PARD3: variants seen among roughly 807,000 people sequenced by gnomAD.
PARD3 encodes par-3 family cell polarity regulator, also known as partitioning defective 3 homolog.
Under a neutral mutation model 155.4 loss-of-function variants are expected in PARD3, and 75 were observed. That is an observed-to-expected ratio of 0.48 (90% CI 0.40 to 0.58). PARD3 has a LOEUF of 0.58. Among genes scored for constraint, PARD3 ranks in the 20% least tolerant of loss-of-function variants. The probability of loss-of-function intolerance (pLI) is 0.00; values close to 1 mark genes in which losing one functional copy is unlikely to be tolerated. For synonymous variants in PARD3, 576 were observed against 610.5 expected, an observed-to-expected ratio of 0.94 and a Z score of 0.83; for missense variants, 1,642 against 1,721.7, an observed-to-expected ratio of 0.95 and a Z score of 0.82.
chr10:34,803,726 C>T (rs1453895894), intron 1 of PARD3, among the ~76,000 whole-genome samples: 2 of 151,928 alleles, frequency 1.3e-5, no homozygotes, highest in Non-Finnish European at 2.9e-5. Flanking sequence ...TTGCTTGAAC[C>T]CAGGAGGTGG....
At position 34,247,737 on chromosome 10, in the gene PARD3, GT is replaced by G. The variant is rs199936426; in HGVS notation, c.3419+21919del. ...TTAGATTGAAAGACAACTAATACTG[GT>G]TACATTGTTTCATTGCTAGACACAG... On this transcript the variant is annotated intron_variant, in intron 22 of 24. Coordinates refer to ENST00000374788, the MANE Select transcript of PARD3 (RefSeq NM_001184785.2). Among the ~76,000 whole-genome samples the G allele has an allele frequency of 9.4e-3, 1,437 of 152,186 alleles. 25 individuals carry two copies. The highest frequency in any genetic ancestry group is 0.033 in the African/African-American group (1,362 of 41,530).
At chr10:34,126,999 C>CTCAT (rs58825745) in intron 23 of PARD3, among the ~76,000 whole-genome samples, 1,617 of 152,222 alleles carry the variant, frequency 0.011, 28 homozygotes, top group African/African-American at 0.037. Context: ...TAATGTGGTC[C>CTCAT]ATGACCTTCA....
intron 24 of PARD3, among the ~76,000 whole-genome samples, chr10:34,117,534 A>C (rs1946749706): frequency 6.6e-6 from 1 of 152,186 alleles, no homozygotes; most frequent in South Asian, 2.1e-4. Flanking sequence ...TAGGCATTTG[A>C]TTCACTGGGT....
intron 19 of PARD3, among the ~76,000 whole-genome samples, chr10:34,330,681 G>A (rs888057447): frequency 2.0e-5 from 3 of 152,044 alleles, no homozygotes; most frequent in African/African-American, 4.8e-5. Flanking sequence ...CTAGCAACAT[G>A]TACTGAATTA....
intron 2 of PARD3, among the ~76,000 whole-genome samples, chr10:34,518,194 A>G (rs548351458): frequency 2.6e-5 from 4 of 152,302 alleles, no homozygotes; most frequent in South Asian, 2.1e-4. Context: ...CACAGTTTTT[A>G]TAAGTACATA....
chr10:34,134,241 G>C (rs891597411), intron 22 of PARD3, among the ~76,000 whole-genome samples: 3 of 152,158 alleles, frequency 2.0e-5, no homozygotes, highest in African/African-American at 7.2e-5. Flanking sequence ...AAAGAGACAG[G>C]AAAGTGGGCA....
intron 22 of PARD3, among the ~76,000 whole-genome samples, chr10:34,250,636 T>A (rs1174236155): frequency 1.3e-5 from 2 of 150,454 alleles, no homozygotes; most frequent in African/African-American, 5.0e-5. Context: ...AAGCCCCTTT[T>A]CAGATTTTGT....
chr10:34,469,935 A>G, intron 4 of PARD3, 150 bp downstream of exon 4: 1 of 558,400 alleles, frequency 1.8e-6, no homozygotes, highest in Non-Finnish European at 3.1e-6. Context: ...GACTATCTGA[A>G]CTTTGATATG....
chr10:34,329,086 G>A (rs1001157393), intron 19 of PARD3, among the ~76,000 whole-genome samples: 2 of 152,124 alleles, frequency 1.3e-5, no homozygotes, highest in African/African-American at 2.4e-5. Flanking sequence ...ATACATGAAT[G>A]AACTTTAATA....
intron 9 of PARD3, among the ~76,000 whole-genome samples, chr10:34,381,912 C>CAAAAAAAAAAAAAAAAAAAAAAAGAAAA (rs1841877586): frequency 1.4e-5 from 1 of 71,874 alleles, no homozygotes; most frequent in Non-Finnish European, 2.9e-5. Context: ...GGCCCTGTCT[C>CAAAAAAAAAAAAAAAAAAAAAAAGAAAA]AAAAAAAAAA....
intron 22 of PARD3, among the ~76,000 whole-genome samples, chr10:34,170,240 A>G (rs1167372711): frequency 6.6e-6 from 1 of 152,070 alleles, no homozygotes; most frequent in Non-Finnish European, 1.5e-5. Flanking sequence ...GTTGCACACC[A>G]CCACGCCCAG....
At chr10:34,575,222 A>G (rs1261131563) in intron 2 of PARD3, among the ~76,000 whole-genome samples, 1 of 152,238 alleles carries the variant, frequency 6.6e-6, no homozygotes, top group South Asian at 2.1e-4. Context: ...TCAACATCCC[A>G]GAATTTTTAT....
intron 7 of PARD3, among the ~76,000 whole-genome samples, chr10:34,394,230 T>C (rs1033414555): frequency 6.6e-6 from 1 of 152,190 alleles, no homozygotes; most frequent in African/African-American, 2.4e-5. Flanking sequence ...TTCACCATGT[T>C]GGCCACGCTG....
At chr10:34,771,413 C>T (rs9418119) in intron 1 of PARD3, among the ~76,000 whole-genome samples, 42,655 of 152,096 alleles carry the variant, frequency 0.28, 6,267 homozygotes, top group East Asian at 0.5. Context: ...TAGCATAGTG[C>T]CTGGCACATG....
At chr10:34,245,726 G>C (rs1266947946) in intron 22 of PARD3, among the ~76,000 whole-genome samples, 4 of 152,212 alleles carry the variant, frequency 2.6e-5, no homozygotes, top group African/African-American at 9.6e-5. Context: ...GAGCACAGGA[G>C]ATGGACAGGG....
intron 21 of PARD3, among the ~76,000 whole-genome samples, chr10:34,274,716 AAAGAG>A (rs1955794067): frequency 6.6e-6 from 1 of 152,182 alleles, no homozygotes. Context: ...TCCAAAAATC[AAAGAG>A]AAGGACTCAG....
chr10:34,701,466 G>A (rs1464620887), intron 1 of PARD3, among the ~76,000 whole-genome samples: 1 of 151,808 alleles, frequency 6.6e-6, no homozygotes, highest in African/African-American at 2.4e-5. Context: ...GCCCAGAGGC[G>A]ACACATTTTG....
intron 10 of PARD3, among the ~76,000 whole-genome samples, chr10:34,377,627 C>T (rs1354830104): frequency 6.6e-6 from 1 of 151,594 alleles, no homozygotes; most frequent in Non-Finnish European, 1.5e-5. Flanking sequence ...AAGATAATTT[C>T]TCATCAGATA....
intron 19 of PARD3, among the ~76,000 whole-genome samples, chr10:34,321,728 G>A (rs1958391651): frequency 6.6e-6 from 1 of 152,150 alleles, no homozygotes; most frequent in Non-Finnish European, 1.5e-5. Context: ...TCTAGTCCAT[G>A]TTACAAATTA....
Sources: allele counts gnomAD v4.1 joint callset (sites outside exome capture counted in the v4.1 genomes callset), GRCh38; gene constraint gnomAD v4.1.1; transcripts MANE v1.5; gene names NCBI Gene and HGNC (gene_info 2026-07-23, HGNC 2026-07-21).